GABRG3: variants seen among roughly 807,000 people sequenced by gnomAD.
GABRG3 encodes gamma-aminobutyric acid receptor subunit gamma-3.
In GABRG3, 25 loss-of-function variants were observed where a neutral mutation model predicts 48.8. The observed-to-expected ratio is 0.51, with a 90% CI of 0.37 to 0.72. GABRG3 has a LOEUF of 0.72. GABRG3 is among the 30% of genes least tolerant of loss of function. The pLI is 0.00. For missense variants in GABRG3, 394 were observed against 577.9 expected (o/e 0.68, Z 3.26); for synonymous variants, 227 against 217.6 (o/e 1.04, Z -0.38).
intron 5 of GABRG3, among the ~76,000 whole-genome samples, chr15:27,379,358 C>G (rs1895694708): frequency 6.6e-6 from 1 of 152,206 alleles, no homozygotes; most frequent in Non-Finnish European, 1.5e-5. Context: ...ATTTTCCTCT[C>G]CCATCCGTTA....
At chr15:27,463,573 G>C (rs1889513260) in intron 5 of GABRG3, among the ~76,000 whole-genome samples, 1 of 152,194 alleles carries the variant, frequency 6.6e-6, no homozygotes, top group African/African-American at 2.4e-5. Flanking sequence ...ATTTGCAAAA[G>C]TGAGATATTG....
At chr15:27,321,850 A>G (rs954518133) in intron 3 of GABRG3, among the ~76,000 whole-genome samples, 2 of 152,254 alleles carry the variant, frequency 1.3e-5, no homozygotes, top group Non-Finnish European at 2.9e-5. Flanking sequence ...GGATATTGTG[A>G]ATAAGCATAA....
chr15:27,267,237 G>T lies in GABRG3; in HGVS notation c.271-59572G>T, dbSNP rs147425057. Among the ~76,000 whole-genome samples the T allele has an allele frequency of 1.8e-4, 27 of 151,088 alleles. No individual in the cohort carries two copies. The Middle Eastern group carries it at 0.01, about 57-fold the overall frequency. The stretch of plus-strand genomic sequence containing the variant: ...TTCTCTTGCCTCAGCCTCCCAAGTA[G>T]CTGAGATTGCAGGCATGCCCCACCA... On this transcript the variant is annotated intron_variant, in intron 3 of 9. Transcript: ENST00000615808.
intron 6 of GABRG3, among the ~76,000 whole-genome samples, chr15:27,506,155 T>G (rs1046180855): frequency 6.6e-6 from 1 of 152,228 alleles, no homozygotes; most frequent in East Asian, 1.9e-4. Context: ...TAGAGGTTTA[T>G]CAGTTGCAAT....
chr15:27,308,367 A>G (rs1479798175), intron 3 of GABRG3, among the ~76,000 whole-genome samples: 1 of 25,094 alleles, frequency 4.0e-5, no homozygotes, highest in Non-Finnish European at 1.1e-4. Context: ...ATATATAAAC[A>G]TATAAACATT....
intron 3 of GABRG3, among the ~76,000 whole-genome samples, chr15:27,301,783 A>G (rs1892216309): frequency 6.6e-6 from 1 of 152,100 alleles, no homozygotes; most frequent in African/African-American, 2.4e-5. Flanking sequence ...GGGTGATTCC[A>G]TATTACATTT....
intron 9 of GABRG3, among the ~76,000 whole-genome samples, chr15:27,528,804 G>T (rs758584638): frequency 1.1e-4 from 17 of 152,070 alleles, no homozygotes; most frequent in Non-Finnish European, 2.1e-4. Context: ...GTAGCAATCT[G>T]ACAGTGGTGT....
chr15:27,163,118 A>G (rs1887252120), intron 3 of GABRG3, among the ~76,000 whole-genome samples: 1 of 151,924 alleles, frequency 6.6e-6, no homozygotes, highest in Non-Finnish European at 1.5e-5. Context: ...CTGCCTACCA[A>G]GCCTGGTCCC....
chr15:27,440,904 A>G (rs1888763953), intron 5 of GABRG3, among the ~76,000 whole-genome samples: 1 of 152,242 alleles, frequency 6.6e-6, no homozygotes, highest in Admixed American at 6.5e-5. Context: ...GGTAAACCAT[A>G]GATTTTAGCA....
intron 5 of GABRG3, among the ~76,000 whole-genome samples, chr15:27,396,119 C>T (rs770802499): frequency 5.5e-4 from 84 of 152,314 alleles, no homozygotes; most frequent in Non-Finnish European, 1.0e-3. Context: ...CTGCCTCGGC[C>T]TCCCAAAGTG....
At chr15:27,254,590 C>A (rs1890555632) in intron 3 of GABRG3, among the ~76,000 whole-genome samples, 1 of 152,076 alleles carries the variant, frequency 6.6e-6, no homozygotes, top group South Asian at 2.1e-4. Flanking sequence ...TGAGGGCCCA[C>A]CTCCTGGTTT....
chr15:27,323,982 A>T (rs1355975175), intron 3 of GABRG3, among the ~76,000 whole-genome samples: 1 of 152,122 alleles, frequency 6.6e-6, no homozygotes, highest in Non-Finnish European at 1.5e-5. Context: ...GTTTCACTTC[A>T]TCGTGAGTGA....
At position 27,325,192 on chromosome 15, in the gene GABRG3, ACACT is replaced by A. The variant is rs566931772; in HGVS notation, c.271-1613_271-1610del. Reference sequence around the variant, plus strand: ...ATATGACAGAAACACACACATGCACACACTCACACACACACTTACACACACACCT... The same window carrying A: ...ATATGACAGAAACACACACATGCACACACACACACACTTACACACACACCT... On this transcript the variant is annotated intron_variant, in intron 3 of 9. Transcript: ENST00000615808. Among the ~76,000 whole-genome samples, 5 of 152,324 alleles carry A rather than the reference ACACT, an allele frequency of 3.3e-5. No homozygotes were observed. The East Asian group carries it at 9.7e-4, about 29-fold the overall frequency.
intron 3 of GABRG3, among the ~76,000 whole-genome samples, chr15:27,210,867 T>G (rs907005367): frequency 6.6e-6 from 1 of 152,196 alleles, no homozygotes; most frequent in African/African-American, 2.4e-5. Flanking sequence ...CCAGAAGGCC[T>G]GTTTCCGGGA....
intron 5 of GABRG3, among the ~76,000 whole-genome samples, chr15:27,332,494 A>G (rs1378295604): frequency 6.6e-6 from 1 of 152,104 alleles, no homozygotes; most frequent in Non-Finnish European, 1.5e-5. Flanking sequence ...AGATCACGCC[A>G]CTGCACTCCA....
At chr15:27,448,806 C>T (rs1444954635) in intron 5 of GABRG3, among the ~76,000 whole-genome samples, 3 of 151,512 alleles carry the variant, frequency 2.0e-5, no homozygotes, top group Non-Finnish European at 4.4e-5. Context: ...TGTGCATGCA[C>T]ACACACAAAA....
At chr15:27,477,068 A>C (rs531979276) in intron 5 of GABRG3, among the ~76,000 whole-genome samples, 1 of 152,268 alleles carries the variant, frequency 6.6e-6, no homozygotes, top group African/African-American at 2.4e-5. Context: ...TCCTAGCAAA[A>C]TTTTCCTCAA....
chr15:27,473,104 A>T (rs1306118975), intron 5 of GABRG3, among the ~76,000 whole-genome samples: 5 of 152,198 alleles, frequency 3.3e-5, no homozygotes, highest in African/African-American at 1.2e-4. Flanking sequence ...TAGGTTGTAT[A>T]TCATTGTAAT....
At chr15:27,068,080 G>T (rs1198904113) in intron 3 of GABRG3, among the ~76,000 whole-genome samples, 2 of 152,210 alleles carry the variant, frequency 1.3e-5, no homozygotes, top group African/African-American at 4.8e-5. Flanking sequence ...TGGCTCAATG[G>T]ATGGCAGAGG....
Sources: gnomAD v4.1 joint callset for allele counts (sites outside exome capture counted in the v4.1 genomes callset) on GRCh38, gnomAD v4.1.1 for gene constraint, MANE v1.5 for transcripts, NCBI Gene and HGNC (gene_info 2026-07-23, HGNC 2026-07-21) for gene names.